Variants in SH3PXD2A observed in about 807,000 individuals in gnomAD.
The protein encoded by SH3PXD2A is SH3 and PX domain-containing protein 2A.
In SH3PXD2A, 32 loss-of-function variants were observed where a neutral mutation model predicts 115.2. The observed-to-expected ratio is 0.28, with a 90% CI of 0.21 to 0.37. The LOEUF is 0.37. Among genes scored for constraint, SH3PXD2A ranks in the 10% least tolerant of loss-of-function variants. The probability of loss-of-function intolerance (pLI) is 1.00; values close to 1 mark genes in which losing one functional copy is unlikely to be tolerated. For missense variants in SH3PXD2A, 1,328 were observed against 1,498.7 expected (o/e 0.89, Z 1.88); for synonymous variants, 610 against 629.1 (o/e 0.97, Z 0.45).
intron 13 of SH3PXD2A, chr10:103,608,649 AAAG>A (rs1396408808): frequency 1.3e-5 from 2 of 151,020 alleles, no homozygotes; most frequent in African/African-American, 2.4e-5. Flanking sequence ...AAAAAAAAAA[AAAG>A]AGAAAAAAAC....
intron 1 of SH3PXD2A, among the ~76,000 whole-genome samples, chr10:103,832,706 G>A (rs1476185504): frequency 6.6e-6 from 1 of 152,136 alleles, no homozygotes; most frequent in East Asian, 1.9e-4. Context: ...TGAACAATGA[G>A]AACACTTGGA....
chr10:103,601,770 G>A lies in SH3PXD2A; in HGVS notation c.*46C>T. On this transcript the variant is annotated 3_prime_UTR_variant, in exon 15 of 15. Transcript: ENST00000369774. ...TGTTCGTCTCACCGCTCATCCAGTG[G>A]GCGGCCAGAGAGGCACACTGAGGCT... 1.6e-6 allele frequency: 2 copies of A among 1,238,090 alleles called. No individual in the cohort carries two copies. Among genetic ancestry groups the A allele is most frequent in the Non-Finnish European group, 2.1e-6 (2 of 931,814 alleles). The allele number at this position is 1,238,090 out of a possible 1,614,324, so 76.7% of individuals were successfully genotyped here.
chr10:103,628,089 G>A lies in SH3PXD2A; in HGVS notation c.605-887C>T. ...CAAGTGGCCGCCCAAGGATCTAGAA[G>A]GCACGTTGGTGGGAGGAGGCTCTCG... On this transcript the variant is annotated intron_variant, in intron 8 of 14. Coordinates refer to ENST00000369774, the MANE Select transcript of SH3PXD2A (RefSeq NM_001394015.1). Among the ~76,000 whole-genome samples, 2 of 152,228 alleles carry A rather than the reference G, an allele frequency of 1.3e-5. 1 individual carries two copies. The highest frequency in any genetic ancestry group is 1.3e-4 in the Admixed American group (2 of 15,282).
chr10:103,732,580 A>G (rs556533726), intron 4 of SH3PXD2A, among the ~76,000 whole-genome samples: 9 of 152,370 alleles, frequency 5.9e-5, no homozygotes, highest in Admixed American at 2.6e-4. Flanking sequence ...AGGGAGCCCA[A>G]AGTCTGGGGA....
At chr10:103,851,492 G>A (rs1009665308) in intron 1 of SH3PXD2A, among the ~76,000 whole-genome samples, 3 of 152,102 alleles carry the variant, frequency 2.0e-5, no homozygotes, top group Non-Finnish European at 2.9e-5. Context: ...CTTCCTGCCC[G>A]GATTCTAATT....
intron 9 of SH3PXD2A, among the ~76,000 whole-genome samples, chr10:103,622,847 C>T (rs1203699528): frequency 6.6e-6 from 1 of 152,152 alleles, no homozygotes; most frequent in African/African-American, 2.4e-5. Flanking sequence ...AAAAGAGGGT[C>T]CCTAGCTCCA....
intron 10 of SH3PXD2A, among the ~76,000 whole-genome samples, chr10:103,618,845 G>A (rs2036560720): frequency 1.3e-5 from 2 of 152,134 alleles, no homozygotes; most frequent in Admixed American, 6.5e-5. Context: ...CCGTGGGGGT[G>A]GGAGGCAGCT....
chr10:103,637,144 A>ACT lies in SH3PXD2A; in HGVS notation c.605-9944_605-9943dup, dbSNP rs575414108. 1.6e-4 allele frequency among the ~76,000 whole-genome samples: 24 copies of ACT among 151,886 alleles called. No homozygotes were observed. The South Asian group carries it at 5.0e-3, about 32-fold the overall frequency. On this transcript the variant is annotated intron_variant, in intron 8 of 14. Coordinates refer to ENST00000369774, the MANE Select transcript of SH3PXD2A (RefSeq NM_001394015.1). Reference sequence around the variant, plus strand: ...AACACGCATCCGGGACTCATGCTCTACTCCCCCATCACCCAGGCATGGCAC... The same window carrying ACT: ...AACACGCATCCGGGACTCATGCTCTACTCTCCCCCATCACCCAGGCATGGCAC...
At chr10:103,821,616 G>C (rs2039381318) in intron 1 of SH3PXD2A, among the ~76,000 whole-genome samples, 1 of 152,064 alleles carries the variant, frequency 6.6e-6, no homozygotes, top group Admixed American at 6.5e-5. Flanking sequence ...GCAATAGCAT[G>C]ATCTCTGCTC....
chr10:103,785,703 C>G (rs928965007), intron 2 of SH3PXD2A, among the ~76,000 whole-genome samples: 2 of 152,098 alleles, frequency 1.3e-5, no homozygotes, highest in African/African-American at 2.4e-5. Flanking sequence ...CCCACAGTCT[C>G]CTGAGGAGGG....
chr10:103,706,004 GAA>G (rs58668048), intron 5 of SH3PXD2A, among the ~76,000 whole-genome samples: 1 of 96,446 alleles, frequency 1.0e-5, no homozygotes, highest in Non-Finnish European at 2.3e-5. Flanking sequence ...GTCTCAAAAA[GAA>G]AAAAAAAAAA....
At position 103,661,666 on chromosome 10, in the gene SH3PXD2A, G is replaced by A. The variant is rs1358474152; in HGVS notation, c.473-552C>T. 3 of 985,202 alleles carry A rather than the reference G, an allele frequency of 3.0e-6. No homozygotes were observed. The African/African-American group carries it at 5.2e-5, about 17-fold the overall frequency. The allele number at this position is 985,202 out of a possible 1,614,324, so 61.0% of individuals were successfully genotyped here. ...GAGAAAAGGCAGCCCTGCTCCCTCG[G>A]GCGGGAGAGGGAGAGGAGAGAGCGG... On this transcript the variant is annotated intron_variant, in intron 7 of 14. Coordinates refer to ENST00000369774, the MANE Select transcript of SH3PXD2A (RefSeq NM_001394015.1).
intron 2 of SH3PXD2A, among the ~76,000 whole-genome samples, chr10:103,789,212 C>G (rs1461893480): frequency 6.6e-6 from 1 of 152,136 alleles, no homozygotes; most frequent in Non-Finnish European, 1.5e-5. Flanking sequence ...TCAAGACCTT[C>G]AGGCCCCAGA....
intron 8 of SH3PXD2A, among the ~76,000 whole-genome samples, chr10:103,660,239 C>T (rs1043548024): frequency 1.3e-5 from 2 of 152,142 alleles, no homozygotes; most frequent in Non-Finnish European, 2.9e-5. Context: ...TGTTGGGGGC[C>T]GAACAAGCCT....
intron 4 of SH3PXD2A, among the ~76,000 whole-genome samples, chr10:103,726,627 A>C (rs2038244699): frequency 6.6e-6 from 1 of 152,234 alleles, no homozygotes; most frequent in Admixed American, 6.5e-5. Flanking sequence ...CATGTCTATA[A>C]GCCCAATATC....
intron 2 of SH3PXD2A, among the ~76,000 whole-genome samples, chr10:103,772,350 G>A (rs888429076): frequency 6.6e-6 from 1 of 152,216 alleles, no homozygotes; most frequent in South Asian, 2.1e-4. Context: ...CCCGCCCTCT[G>A]GGAGGAAGAA....
intron 1 of SH3PXD2A, among the ~76,000 whole-genome samples, chr10:103,836,201 C>T (rs2039538127): frequency 6.6e-6 from 1 of 152,130 alleles, no homozygotes; most frequent in Non-Finnish European, 1.5e-5. Context: ...ATCTATGAGA[C>T]CCTTTTATAC....
At chr10:103,811,506 G>T (rs2134277992) in intron 1 of SH3PXD2A, among the ~76,000 whole-genome samples, 1 of 152,342 alleles carries the variant, frequency 6.6e-6, no homozygotes, top group East Asian at 1.9e-4. Context: ...AGGGCCCAGA[G>T]AGGTAACTGG....
At chr10:103,661,898 C>G in intron 7 of SH3PXD2A, 2 of 985,080 alleles carry the variant, frequency 2.0e-6, no homozygotes, top group Non-Finnish European at 2.4e-6. Flanking sequence ...GGCTGGCGAG[C>G]CCAGCCCGCC....
Sources: gnomAD v4.1 joint callset for allele counts (sites outside exome capture counted in the v4.1 genomes callset) on GRCh38, gnomAD v4.1.1 for gene constraint, MANE v1.5 for transcripts, NCBI Gene and HGNC (gene_info 2026-07-23, HGNC 2026-07-21) for gene names.